The following SORCS3 variants were observed in gnomAD, a reference collection of about 807,000 sequenced individuals.
The protein encoded by SORCS3 is sortilin related VPS10 domain containing receptor 3, also known as VPS10 domain-containing receptor SorCS3.
Under a neutral mutation model 146.3 loss-of-function variants are expected in SORCS3, and 57 were observed. The ratio of observed to expected loss-of-function variants is 0.39; its 90% CI spans 0.31 to 0.49. The LOEUF (loss-of-function observed/expected upper bound fraction) is 0.49. SORCS3 is among the 20% of genes least tolerant of loss of function. The pLI, the probability that SORCS3 is intolerant of heterozygous loss-of-function variation, is 0.92. For missense variants in SORCS3, 1,341 were observed against 1,575.5 expected (o/e 0.85, Z 2.52); for synonymous variants, 653 against 618.5 (o/e 1.06, Z -0.83).
chr10:104,871,968 G>A (rs549102974), intron 2 of SORCS3, among the ~76,000 whole-genome samples: 3 of 152,210 alleles, frequency 2.0e-5, no homozygotes, highest in African/African-American at 7.2e-5. Context: ...TAGGCAAGGA[G>A]GTGACTTCTG....
At chr10:104,973,330 T>A (rs1445819201) in intron 3 of SORCS3, among the ~76,000 whole-genome samples, 11 of 151,728 alleles carry the variant, frequency 7.2e-5, no homozygotes, top group Non-Finnish European at 1.5e-4. Context: ...GGTCCTGGAC[T>A]CTTTTTGGTT....
chr10:105,105,015 T>C (rs1450821299), intron 6 of SORCS3, among the ~76,000 whole-genome samples: 1 of 152,106 alleles, frequency 6.6e-6, no homozygotes, highest in African/African-American at 2.4e-5. Context: ...TATGAGTCTT[T>C]CTCTAGAAAA....
intron 4 of SORCS3, among the ~76,000 whole-genome samples, chr10:104,998,664 T>C (rs2055041031): frequency 6.6e-6 from 1 of 152,136 alleles, no homozygotes; most frequent in African/African-American, 2.4e-5. Context: ...TTCAGTCTCC[T>C]TAATGCTTAG....
Position 104,911,767 on chromosome 10 carries a change from T to C in SORCS3, c.696-4066T>C, listed in dbSNP as rs182153550. Among the ~76,000 whole-genome samples the C allele has an allele frequency of 5.3e-5, 8 of 152,318 alleles. No homozygotes were observed. The East Asian group carries it at 1.5e-3, about 29-fold the overall frequency. ...CTTGAGTTAGGATCCTCTGAGCTCT[T>C]TTTTTAACTAGGCTCCCCTGCTTGG... On this transcript the variant is annotated intron_variant, in intron 2 of 26. Transcript: ENST00000369701.
chr10:104,688,356 G>T (rs535553434), intron 1 of SORCS3, among the ~76,000 whole-genome samples: 76 of 152,296 alleles, frequency 5.0e-4, no homozygotes, highest in African/African-American at 1.5e-3. Flanking sequence ...CTGCGTGTGT[G>T]GGGGGGCAGT....
At chr10:105,102,388 T>C (rs932016421) in intron 6 of SORCS3, among the ~76,000 whole-genome samples, 4 of 152,192 alleles carry the variant, frequency 2.6e-5, no homozygotes, top group Non-Finnish European at 5.9e-5. Context: ...GCAACATGGA[T>C]GGAGCTGGAG....
At chr10:105,219,206 A>C (rs1295002498) in intron 19 of SORCS3, among the ~76,000 whole-genome samples, 2 of 152,172 alleles carry the variant, frequency 1.3e-5, no homozygotes, top group Non-Finnish European at 1.5e-5. Flanking sequence ...GAAAGGGTAC[A>C]AAACAAAATC....
At chr10:105,110,350 G>A (rs2055851317) in intron 7 of SORCS3, among the ~76,000 whole-genome samples, 1 of 151,484 alleles carries the variant, frequency 6.6e-6, no homozygotes, top group South Asian at 2.1e-4. Flanking sequence ...ATTTTTATTT[G>A]CTCTATGGAA....
At chr10:104,757,066 GTTTTTTTTTTT>G (rs35550035) in intron 1 of SORCS3, among the ~76,000 whole-genome samples, 1 of 83,984 alleles carries the variant, frequency 1.2e-5, no homozygotes. Context: ...CAAGTTAAGG[GTTTTTTTTTTT>G]TTTTTTTTTT....
At chr10:105,058,121 CAG>C (rs1368471767) in intron 5 of SORCS3, among the ~76,000 whole-genome samples, 1 of 152,160 alleles carries the variant, frequency 6.6e-6, no homozygotes, top group East Asian at 1.9e-4. Context: ...ACAATGGAGG[CAG>C]AGAGAGATGG....
At chr10:105,202,892 A>C (rs557221889) in intron 16 of SORCS3, among the ~76,000 whole-genome samples, 15 of 152,316 alleles carry the variant, frequency 9.8e-5, no homozygotes, top group African/African-American at 3.1e-4. Context: ...GTTAAAAGAC[A>C]AAACTAAGGG....
At chr10:105,002,910 G>C (rs551419293) in intron 4 of SORCS3, among the ~76,000 whole-genome samples, 1 of 152,332 alleles carries the variant, frequency 6.6e-6, no homozygotes, top group South Asian at 2.1e-4. Flanking sequence ...TACTCGCTGT[G>C]TTCCAGGCAC....
At chr10:104,729,245 C>T (rs537078068) in intron 1 of SORCS3, among the ~76,000 whole-genome samples, 2 of 152,266 alleles carry the variant, frequency 1.3e-5, no homozygotes, top group Admixed American at 6.5e-5. Flanking sequence ...TTATGGTACA[C>T]GTGTATATCC....
At chr10:104,773,243 A>C (rs1205865437) in intron 1 of SORCS3, among the ~76,000 whole-genome samples, 1 of 152,176 alleles carries the variant, frequency 6.6e-6, no homozygotes, top group Admixed American at 6.5e-5. Flanking sequence ...TCCTTGCAGC[A>C]TGCTAGCATG....
intron 4 of SORCS3, among the ~76,000 whole-genome samples, chr10:105,034,515 G>A (rs980581648): frequency 6.6e-6 from 1 of 152,132 alleles, no homozygotes; most frequent in East Asian, 1.9e-4. Flanking sequence ...GCCAGTTTCT[G>A]CATGCTTGAC....
chr10:105,087,753 G>C (rs1198550400), intron 5 of SORCS3, among the ~76,000 whole-genome samples: 1 of 152,064 alleles, frequency 6.6e-6, no homozygotes, highest in African/African-American at 2.4e-5. Flanking sequence ...AAATAGAGAA[G>C]ACACAGAAAT....
chr10:105,088,613 C>T (rs2055679810), intron 5 of SORCS3, among the ~76,000 whole-genome samples: 1 of 152,136 alleles, frequency 6.6e-6, no homozygotes, highest in African/African-American at 2.4e-5. Flanking sequence ...ACCCTGGATG[C>T]CATCAGCCCC....
chr10:105,160,864 A>G (rs1417859095), intron 11 of SORCS3, among the ~76,000 whole-genome samples: 3 of 152,116 alleles, frequency 2.0e-5, no homozygotes, highest in African/African-American at 7.2e-5. Flanking sequence ...GACACTTATT[A>G]GGTTTGTGCA....
chr10:104,730,260 A>G (rs1424604674), intron 1 of SORCS3, among the ~76,000 whole-genome samples: 3 of 152,220 alleles, frequency 2.0e-5, no homozygotes, highest in African/African-American at 4.8e-5. Flanking sequence ...TACTGTTTGT[A>G]TCGGCATTTT....
Sources: gnomAD v4.1 joint callset for allele counts (sites outside exome capture counted in the v4.1 genomes callset) on GRCh38, gnomAD v4.1.1 for gene constraint, MANE v1.5 for transcripts, NCBI Gene and HGNC (gene_info 2026-07-23, HGNC 2026-07-21) for gene names.